The following SAMMSON variants were observed in gnomAD, a reference collection of about 807,000 sequenced individuals.
The protein encoded by SAMMSON is survival associated mitochondrial melanoma specific oncogenic non-coding RNA, also known as long intergenic non-protein coding RNA 1212.
At chr3:70,313,822 T>C (rs1321893826) in intron 7 of SAMMSON, among the ~76,000 whole-genome samples, 2 of 152,150 alleles carry the variant, frequency 1.3e-5, no homozygotes, top group African/African-American at 4.8e-5. Flanking sequence ...CTCCCATTAT[T>C]AATAAGATAA....
chr3:70,204,685 A>G (rs1169853096), intron 4 of SAMMSON: 5 of 147,958 alleles, frequency 3.4e-5, no homozygotes, highest in Non-Finnish European at 1.5e-5. Context: ...GGGGCTCTTG[A>G]GTGTCAGTTG....
chr3:70,021,778 G>A (rs7619924), intron 3 of SAMMSON, among the ~76,000 whole-genome samples: 69,325 of 151,886 alleles, frequency 0.46, 16,833 homozygotes, highest in East Asian at 0.62. Context: ...TAAGGTTTTT[G>A]AGTGCATTTG....
intron 6 of SAMMSON, among the ~76,000 whole-genome samples, chr3:70,258,567 A>G (rs905969528): frequency 1.3e-5 from 2 of 152,176 alleles, no homozygotes; most frequent in Non-Finnish European, 2.9e-5. Flanking sequence ...CTGAATTTCT[A>G]TCCATTGTAA....
At chr3:70,204,742 A>C (rs1250211379) in intron 4 of SAMMSON, 1 of 151,628 alleles carries the variant, frequency 6.6e-6, no homozygotes, top group Non-Finnish European at 1.5e-5. Flanking sequence ...ATAATACAAG[A>C]GTTAGGTGTC....
Position 70,343,396 on chromosome 3 carries a change from A to T in SAMMSON, n.740-10779A>T, listed in dbSNP as rs1348139634. Among the ~76,000 whole-genome samples the T allele has an allele frequency of 4.6e-5, 7 of 151,756 alleles. No individual in the cohort carries two copies. In the East Asian group the frequency reaches 1.4e-3, roughly 29 times the overall value. ...CCTCCTTTGGCTCCTCTTTACTGTG[A>T]GTGTTTTCAAATTTTTCTTGCTTTT... is the stretch of plus-strand genomic sequence containing the variant. On this transcript the variant is annotated intron_variant and non_coding_transcript_variant, in intron 7 of 9. Transcript: ENST00000642114.
At chr3:70,082,509 T>C (rs991562192) in intron 4 of SAMMSON, among the ~76,000 whole-genome samples, 1 of 152,124 alleles carries the variant, frequency 6.6e-6, no homozygotes, top group Non-Finnish European at 1.5e-5. Context: ...GCCGGTAAAT[T>C]CTCAGCCTTT....
intron 4 of SAMMSON, among the ~76,000 whole-genome samples, chr3:70,106,885 G>A (rs941662171): frequency 2.6e-5 from 4 of 152,110 alleles, no homozygotes; most frequent in Non-Finnish European, 4.4e-5. Flanking sequence ...GCCTGTTAAT[G>A]ATTCATAAAA....
downstream of SAMMSON, among the ~76,000 whole-genome samples, chr3:70,394,502 C>T (rs1007682775): frequency 1.3e-5 from 2 of 152,032 alleles, no homozygotes; most frequent in African/African-American, 2.4e-5. Context: ...CATGATGACA[C>T]GGCAGTTACC....
chr3:70,148,707 A>C (rs573170140), intron 4 of SAMMSON, among the ~76,000 whole-genome samples: 2 of 152,150 alleles, frequency 1.3e-5, no homozygotes, highest in East Asian at 1.9e-4. Flanking sequence ...CATGGGACCT[A>C]CTAGAGCAAG....
chr3:70,339,192 T>G (rs184824719), intron 7 of SAMMSON, among the ~76,000 whole-genome samples: 1 of 152,282 alleles, frequency 6.6e-6, no homozygotes, highest in East Asian at 1.9e-4. Flanking sequence ...GAAAACTGGC[T>G]AGCCATATGT....
At chr3:70,339,014 A>G (rs1031932662) in intron 7 of SAMMSON, among the ~76,000 whole-genome samples, 1 of 152,208 alleles carries the variant, frequency 6.6e-6, no homozygotes, top group Non-Finnish European at 1.5e-5. Flanking sequence ...CTACAAGGCT[A>G]CAGTAACCAA....
At chr3:70,264,868 A>G (rs887509227) in intron 6 of SAMMSON, among the ~76,000 whole-genome samples, 1 of 152,174 alleles carries the variant, frequency 6.6e-6, no homozygotes, top group Non-Finnish European at 1.5e-5. Context: ...AAGACATACC[A>G]TAGACTGGGT....
intron 4 of SAMMSON, among the ~76,000 whole-genome samples, chr3:70,082,457 G>A (rs1160657606): frequency 2.0e-5 from 3 of 152,156 alleles, no homozygotes; most frequent in African/African-American, 7.2e-5. Flanking sequence ...ACAGGAGTTA[G>A]GCTACATGTT....
At chr3:70,110,791 A>G (rs945876539) in intron 4 of SAMMSON, among the ~76,000 whole-genome samples, 3 of 152,116 alleles carry the variant, frequency 2.0e-5, no homozygotes, top group African/African-American at 7.2e-5. Context: ...AGAAAGGGTA[A>G]ATTATTGTGA....
chr3:70,272,022 C>G (rs552172313), intron 6 of SAMMSON: 1 of 152,380 alleles, frequency 6.6e-6, no homozygotes, highest in African/African-American at 2.4e-5. Flanking sequence ...CTTGGCCTCC[C>G]AAAGTGCTGG....
chr3:70,134,191 C>T (rs1363630847), intron 4 of SAMMSON, among the ~76,000 whole-genome samples: 6 of 149,910 alleles, frequency 4.0e-5, no homozygotes, highest in South Asian at 2.1e-4. Context: ...ATCCGGGAGA[C>T]GGAGGTTGCA....
chr3:70,121,468 A>C (rs1444038294), intron 4 of SAMMSON, among the ~76,000 whole-genome samples: 2 of 115,930 alleles, frequency 1.7e-5, no homozygotes, highest in African/African-American at 8.1e-5. Flanking sequence ...CAAGCAAGGC[A>C]AAAAAAAATA....
In SAMMSON at chr3:70,134,305, G is replaced by A. The variant is rs188808305; in HGVS notation, n.507+62740G>A. Among the ~76,000 whole-genome samples the A allele has an allele frequency of 1.3e-4, 20 of 149,330 alleles. No individual in the cohort carries two copies. In the East Asian group the frequency reaches 3.7e-3, roughly 28 times the overall value. On this transcript the variant is annotated intron_variant and non_coding_transcript_variant, in intron 4 of 9. Coordinates refer to ENST00000642114, the Ensembl canonical transcript of SAMMSON. ...TGAAATGATGTATGTGAAGAAGTTTGTGCCCAGTAGTGTTCCTGATACATA... is the reference window on the plus strand; with the variant it reads ...TGAAATGATGTATGTGAAGAAGTTTATGCCCAGTAGTGTTCCTGATACATA...
At chr3:70,024,613 G>A (rs1381177891) in intron 3 of SAMMSON, among the ~76,000 whole-genome samples, 3 of 152,132 alleles carry the variant, frequency 2.0e-5, no homozygotes, top group Non-Finnish European at 4.4e-5. Context: ...CCCGTAATCC[G>A]TGGTTCTTCA....
Sources: gnomAD v4.1 joint callset for allele counts (sites outside exome capture counted in the v4.1 genomes callset) on GRCh38, gnomAD v4.1.1 for gene constraint, MANE v1.5 for transcripts, NCBI Gene and HGNC (gene_info 2026-07-23, HGNC 2026-07-21) for gene names.